The following DGKD variants were observed in gnomAD, a reference collection of about 807,000 sequenced individuals.
DGKD encodes diacylglycerol kinase delta.
DGKD carries 68 observed loss-of-function variants against 154.4 expected under a neutral mutation model. The observed-to-expected ratio is 0.44, with a 90% confidence interval of 0.36 to 0.54. The LOEUF (loss-of-function observed/expected upper bound fraction) is 0.54. Ranked by LOEUF, DGKD falls within the 20% of genes least tolerant of loss-of-function variation. DGKD has a pLI of 0.00. For synonymous variants in DGKD, 693 were observed against 638.0 expected, an observed-to-expected ratio of 1.09 and a Z score of -1.30; for missense variants, 1,343 against 1,593.6, an observed-to-expected ratio of 0.84 and a Z score of 2.68.
intron 3 of DGKD, among the ~76,000 whole-genome samples, chr2:233,422,914 G>T (rs2062166367): frequency 6.6e-6 from 1 of 152,134 alleles, no homozygotes; most frequent in African/African-American, 2.4e-5. Flanking sequence ...CCCTTTTACA[G>T]CCTCACACAT....
intron 1 of DGKD, among the ~76,000 whole-genome samples, chr2:233,358,319 T>G (rs1335035351): frequency 6.6e-6 from 1 of 152,230 alleles, no homozygotes; most frequent in Non-Finnish European, 1.5e-5. Context: ...AAGTTAACAT[T>G]TTTTGGATAT....
chr2:233,381,147 T>A (rs2125419243), intron 1 of DGKD, among the ~76,000 whole-genome samples: 1 of 152,302 alleles, frequency 6.6e-6, no homozygotes, highest in Non-Finnish European at 1.5e-5. Context: ...GTGCGGCAGT[T>A]GCCCGGTGCG....
rs922927340 is a variant in DGKD, at chr2:233,418,853, C to T, written c.349-15527C>T. On this transcript the variant is annotated intron_variant, in intron 3 of 29. Transcript: ENST00000264057. ...CAGCGTGCAGAGCTGGTGGGCTGGG[C>T]GGGGTCTGACACAGTGCTGTGCGGA... is the stretch of plus-strand genomic sequence containing the variant. Among the ~76,000 whole-genome samples, 6 of 152,220 alleles carry T rather than the reference C, an allele frequency of 3.9e-5. No individual in the cohort carries two copies. In the East Asian group the frequency reaches 7.7e-4, roughly 20 times the overall value.
intron 1 of DGKD, among the ~76,000 whole-genome samples, chr2:233,370,148 C>T (rs1702238095): frequency 6.6e-6 from 1 of 152,100 alleles, no homozygotes; most frequent in African/African-American, 2.4e-5. Flanking sequence ...CCCCCTCCTC[C>T]CAGCTGCTGA....
chr2:233,464,410 G>T, intron 27 of DGKD, 127 bp downstream of exon 27: 2 of 1,204,740 alleles, frequency 1.7e-6, no homozygotes, highest in South Asian at 2.8e-5. Flanking sequence ...CCCCTGAGGG[G>T]CCTTCTCCAG....
chr2:233,398,572 C>T (rs1415508679), intron 3 of DGKD, among the ~76,000 whole-genome samples: 1 of 152,124 alleles, frequency 6.6e-6, no homozygotes, highest in Non-Finnish European at 1.5e-5. Flanking sequence ...GGATTTCTCC[C>T]CTGATTTATT....
chr2:233,405,152 G>A lies in DGKD; in HGVS notation c.348+14669G>A, dbSNP rs187811673. The stretch of plus-strand genomic sequence containing the variant: ...TAAGATATGTATGTTGTTATGGTTT[G>A]ATTGTGTCCTCCAAAGTTCATGTGT... On this transcript the variant is annotated intron_variant, in intron 3 of 29. Coordinates refer to ENST00000264057, the MANE Select transcript of DGKD (RefSeq NM_152879.3). Among the ~76,000 whole-genome samples the A allele has an allele frequency of 1.9e-3, 288 of 152,336 alleles. 1 individual carries two copies. The highest frequency in any genetic ancestry group is 6.7e-3 in the African/African-American group (280 of 41,568).
chr2:233,377,228 G>C lies in DGKD; in HGVS notation c.157-11029G>C, dbSNP rs534650238. On this transcript the variant is annotated intron_variant, in intron 1 of 29. Transcript: ENST00000264057. ...CTCCCGAGTAGCTGTGATTACAGGT[G>C]TGTGCCACCACTCCCAGCTAATTTT... Among the ~76,000 whole-genome samples, 3 of 152,108 alleles carry C rather than the reference G, an allele frequency of 2.0e-5. No homozygotes were observed. In the East Asian group the frequency reaches 5.8e-4, roughly 29 times the overall value.
In DGKD at chr2:233,470,584, C is replaced by T. The variant is rs1393742383; in HGVS notation, c.*1124C>T. On this transcript the variant is annotated 3_prime_UTR_variant, in exon 30 of 30. Coordinates refer to ENST00000264057, the MANE Select transcript of DGKD (RefSeq NM_152879.3). ...GCTCTGAACTAGTAGATGATGGTGCCAGAGGGCAGGGAGCTCGCCTGGGGA... is the reference window on the plus strand; with the variant it reads ...GCTCTGAACTAGTAGATGATGGTGCTAGAGGGCAGGGAGCTCGCCTGGGGA... The T allele has an allele frequency of 6.6e-6, 1 of 152,462 alleles. No individual in the cohort carries two copies. The highest frequency in any genetic ancestry group is 1.5e-5 in the Non-Finnish European group (1 of 68,204). The allele number at this position is 152,462 out of a possible 1,614,324, so 9.4% of individuals were successfully genotyped here.
intron 10 of DGKD, 50 bp downstream of exon 10, chr2:233,442,045 T>G (rs755006510): frequency 1.3e-6 from 2 of 1,486,178 alleles, no homozygotes; most frequent in South Asian, 1.1e-5. Flanking sequence ...GTGCGGAGGT[T>G]AGAGGGAAAT....
intron 16 of DGKD, 58 bp from the exon 17 acceptor site, chr2:233,450,864 C>T: frequency 6.4e-7 from 1 of 1,558,244 alleles, no homozygotes. Flanking sequence ...AAGGACCCCC[C>T]AGGATTTCAC....
intron 1 of DGKD, among the ~76,000 whole-genome samples, chr2:233,387,769 C>T (rs1008401933): frequency 6.6e-6 from 1 of 152,120 alleles, no homozygotes; most frequent in Non-Finnish European, 1.5e-5. Context: ...GCTGAGGGCG[C>T]GGGCCTGGAG....
rs1209287095 is a variant in DGKD at position 233,463,572 on chromosome 2, A to G, written c.3187-592A>G. Among the ~76,000 whole-genome samples, 24 of 128,650 alleles carry G rather than the reference A, an allele frequency of 1.9e-4. 1 individual carries two copies. The highest frequency in any genetic ancestry group is 6.2e-4 in the African/African-American group (18 of 28,920). The allele number at this position is 128,650 out of a possible 152,430, so 84.4% of individuals were successfully genotyped here. A position where few individuals can be genotyped will look rare whatever the true frequency, so the allele number is the denominator to read the frequency against. On this transcript the variant is annotated intron_variant, in intron 26 of 29. Transcript: ENST00000264057. ...ATCTCCTCACTCCACGCATCTCCTC[A>G]CTCCACGCATCTCCTCACTCCACGC...
chr2:233,402,450 C>T (rs1312674865), intron 3 of DGKD, among the ~76,000 whole-genome samples: 1 of 152,136 alleles, frequency 6.6e-6, no homozygotes, highest in Admixed American at 6.5e-5. Context: ...GCTTAGGGTC[C>T]CCAGTGCTCT....
intron 29 of DGKD, 36 bp downstream of exon 29, chr2:233,468,589 G>A: frequency 6.2e-7 from 1 of 1,611,080 alleles, no homozygotes; most frequent in Non-Finnish European, 8.5e-7. Context: ...ACCTGCACTT[G>A]GGCTTGCACG....
chr2:233,438,452 A>C lies in DGKD; in HGVS notation c.1085+73A>C. On this transcript the variant is annotated intron_variant, in intron 9 of 29. Coordinates refer to ENST00000264057, the MANE Select transcript of DGKD (RefSeq NM_152879.3). The surrounding 1 kb of genome is among the most constrained non-coding windows in gnomAD (Gnocchi z 4.1). ...TAGATAGTGTGTGCTTGTTAAAAAA[A>C]AAAAGTTCAAAGACACAAAGCTTTA... 2.0e-6 allele frequency: 3 copies of C among 1,501,778 alleles called. No homozygotes were observed. The highest frequency in any genetic ancestry group is 2.7e-6 in the Non-Finnish European group (3 of 1,118,288). 93.0% of individuals were successfully genotyped at this position (1,501,778 alleles called of 1,614,324 possible). A position where few individuals can be genotyped will look rare whatever the true frequency, so the allele number is the denominator to read the frequency against.
chr2:233,399,979 A>T (rs1272154578), intron 3 of DGKD, among the ~76,000 whole-genome samples: 1 of 152,204 alleles, frequency 6.6e-6, no homozygotes, highest in African/African-American at 2.4e-5. Context: ...GAAGGAACAT[A>T]CTGTATCATT....
In DGKD at chr2:233,460,283, G is replaced by T. The variant is rs1480875625; in HGVS notation, c.2919G>T (p.Leu973=). The stretch of plus-strand genomic sequence containing the variant: ...CCTGTTCCCTGCACCCGGAGATGCT[G>T]TCCGAGGAGGAGGCCACCCAGATGG... The part of the protein sequence containing the change: ...PPSCSLHPEM[L]SEEEATQMDQ... Residue 973 remains leucine (L), a synonymous_variant, in exon 24 of 30, where the codon CTG becomes CTT. Transcript: ENST00000264057. 2 of 1,613,928 alleles carry T rather than the reference G, an allele frequency of 1.2e-6. No homozygotes were observed. Among genetic ancestry groups the T allele is most frequent in the Non-Finnish European group, 1.7e-6 (2 of 1,180,006 alleles).
chr2:233,367,390 G>A (rs1050567417), intron 1 of DGKD, among the ~76,000 whole-genome samples: 9 of 151,926 alleles, frequency 5.9e-5, no homozygotes, highest in Admixed American at 2.0e-4. Context: ...CACCATGCCC[G>A]GCTGATTTTT....
Sources: allele counts gnomAD v4.1 joint callset (sites outside exome capture counted in the v4.1 genomes callset), GRCh38; gene constraint gnomAD v4.1.1; non-coding constraint Gnocchi (gnomAD v3.1); transcripts MANE v1.5; gene names NCBI Gene and HGNC (gene_info 2026-07-23, HGNC 2026-07-21).